The following KIAA0319L variants were observed in gnomAD, a reference collection of about 807,000 sequenced individuals.
KIAA0319L encodes KIAA0319 like.
In KIAA0319L, 55 loss-of-function variants were observed where a neutral mutation model predicts 120.1. The observed-to-expected ratio is 0.46, with a 90% CI of 0.37 to 0.57. The LOEUF (loss-of-function observed/expected upper bound fraction) is 0.57, where lower values mean the gene tolerates loss of function less well. Among genes scored for constraint, KIAA0319L ranks in the 20% least tolerant of loss-of-function variants. The pLI, the probability that KIAA0319L is intolerant of heterozygous loss-of-function variation, is 0.00. For synonymous variants in KIAA0319L, 398 were observed against 471.9 expected, an observed-to-expected ratio of 0.84 and a Z score of 2.03; for missense variants, 1,049 against 1,255.3, an observed-to-expected ratio of 0.84 and a Z score of 2.48.
chr1:35,474,827 A>G lies in KIAA0319L; in HGVS notation c.993T>C (p.Tyr331=), dbSNP rs1643844217. Reference sequence around the variant, plus strand: ...TACCTTTAGGTGGTTCTTGGAGAACATATGCATTTAATTGAACTTCATTCT... The same window carrying G: ...TACCTTTAGGTGGTTCTTGGAGAACGTATGCATTTAATTGAACTTCATTCT... ...LPKNEVQLNA[Y]VLQEPPKGET... is the part of the protein sequence containing the mutation. The change falls in exon 5 of 21, where the codon TAT becomes TAC. Residue 331 remains tyrosine, a synonymous_variant. Transcript: ENST00000325722. The G allele has an allele frequency of 6.2e-7, 1 of 1,604,750 alleles. No homozygotes were observed. Among genetic ancestry groups the G allele is most frequent in the East Asian group, 2.2e-5 (1 of 44,790 alleles).
At chr1:35,512,489 G>C (rs1035754280) in intron 2 of KIAA0319L, among the ~76,000 whole-genome samples, 3 of 151,990 alleles carry the variant, frequency 2.0e-5, no homozygotes, top group Non-Finnish European at 2.9e-5. Flanking sequence ...AAGCCTAGTT[G>C]TTCAAAAGAT....
chr1:35,513,901 G>A (rs1056848551), intron 2 of KIAA0319L, among the ~76,000 whole-genome samples: 1 of 152,000 alleles, frequency 6.6e-6, no homozygotes, highest in Non-Finnish European at 1.5e-5. Flanking sequence ...CATTTACAGA[G>A]GCCACAAAAC....
At chr1:35,440,929 A>T in intron 20 of KIAA0319L, 118 bp downstream of exon 20, 2 of 854,106 alleles carry the variant, frequency 2.3e-6, no homozygotes, top group Non-Finnish European at 4.0e-6. Context: ...GCAAAAGGGA[A>T]CAAAATGCTT....
intron 13 of KIAA0319L, 90 bp from the exon 14 acceptor site, chr1:35,450,599 A>G (rs1267893502): frequency 2.3e-6 from 3 of 1,282,864 alleles, no homozygotes; most frequent in East Asian, 2.4e-5. Context: ...TAAAACATCA[A>G]GAGTACCTTA....
intron 2 of KIAA0319L, among the ~76,000 whole-genome samples, chr1:35,535,019 C>T (rs1007777768): frequency 2.7e-5 from 4 of 149,090 alleles, no homozygotes; most frequent in African/African-American, 9.9e-5. Flanking sequence ...ATCGCTTGAA[C>T]CCAGGAGATG....
At chr1:35,498,637 C>T (rs1355634448) in intron 3 of KIAA0319L, among the ~76,000 whole-genome samples, 1 of 152,104 alleles carries the variant, frequency 6.6e-6, no homozygotes, top group Admixed American at 6.5e-5. Flanking sequence ...CAATTAATGT[C>T]ATAATTAAAG....
At chr1:35,469,912 G>C (rs1473302319) in intron 6 of KIAA0319L, among the ~76,000 whole-genome samples, 2 of 151,918 alleles carry the variant, frequency 1.3e-5, no homozygotes, top group Non-Finnish European at 2.9e-5. Flanking sequence ...TTTGTCACCT[G>C]GGCTTTAGGG....
intron 2 of KIAA0319L, among the ~76,000 whole-genome samples, chr1:35,540,906 C>A (rs975500624): frequency 4.6e-5 from 7 of 152,064 alleles, no homozygotes; most frequent in Non-Finnish European, 8.8e-5. Context: ...TTCATGAGGG[C>A]AGAAACCGTA....
chr1:35,513,485 T>G (rs940842283), intron 2 of KIAA0319L, among the ~76,000 whole-genome samples: 2 of 151,556 alleles, frequency 1.3e-5, no homozygotes, highest in Non-Finnish European at 2.9e-5. Flanking sequence ...GGTGTGGTGG[T>G]GTGCACTTGT....
chr1:35,457,650 C>T (rs1366424316), intron 9 of KIAA0319L, among the ~76,000 whole-genome samples: 1 of 152,194 alleles, frequency 6.6e-6, no homozygotes, highest in Non-Finnish European at 1.5e-5. Flanking sequence ...TGGGATCTTT[C>T]CATTTTGCTG....
At chr1:35,520,303 T>A (rs548249402) in intron 2 of KIAA0319L, among the ~76,000 whole-genome samples, 1 of 152,232 alleles carries the variant, frequency 6.6e-6, no homozygotes, top group East Asian at 1.9e-4. Flanking sequence ...TTTCACCATA[T>A]TGGCCAGGCT....
intron 2 of KIAA0319L, among the ~76,000 whole-genome samples, chr1:35,530,529 T>C (rs1300197199): frequency 6.6e-6 from 1 of 152,232 alleles, no homozygotes; most frequent in Admixed American, 6.5e-5. Flanking sequence ...TTCCCATGCA[T>C]ATCACTAAGC....
chr1:35,460,005 C>T (rs1290024073), intron 9 of KIAA0319L, among the ~76,000 whole-genome samples: 1 of 152,128 alleles, frequency 6.6e-6, no homozygotes, highest in Non-Finnish European at 1.5e-5. Context: ...GGAAGATGGG[C>T]CTTTTCATTT....
Position 35,455,995 on chromosome 1 carries a change from G to T in KIAA0319L, c.1656+18C>A, listed in dbSNP as rs1366658958. 5 of 1,575,558 alleles carry T rather than the reference G, an allele frequency of 3.2e-6. No homozygotes were observed. Among genetic ancestry groups the T allele is most frequent in the Admixed American group, 3.5e-5 (2 of 56,716 alleles). On this transcript the variant is annotated intron_variant, in intron 10 of 20. Coordinates refer to ENST00000325722, the MANE Select transcript of KIAA0319L (RefSeq NM_024874.5). ...TACTTCTCTTGGGCAAGAAAAAATAGGAACCATTCCCTCCTACCTGCATCT... is the reference window on the plus strand; with the variant it reads ...TACTTCTCTTGGGCAAGAAAAAATATGAACCATTCCCTCCTACCTGCATCT...
At chr1:35,503,977 C>T (rs1645107973) in intron 3 of KIAA0319L, among the ~76,000 whole-genome samples, 1 of 151,314 alleles carries the variant, frequency 6.6e-6, no homozygotes, top group African/African-American at 2.4e-5. Context: ...CTTCCACCTC[C>T]TGGGTTCAAG....
intron 9 of KIAA0319L, among the ~76,000 whole-genome samples, chr1:35,457,196 G>A (rs1642534716): frequency 6.6e-6 from 1 of 152,118 alleles, no homozygotes; most frequent in African/African-American, 2.4e-5. Context: ...GCTATATAGT[G>A]AGCCAAGATG....
At chr1:35,521,431 T>C (rs1344170968) in intron 2 of KIAA0319L, among the ~76,000 whole-genome samples, 1 of 149,074 alleles carries the variant, frequency 6.7e-6, no homozygotes, top group Non-Finnish European at 1.5e-5. Context: ...TCAGGAGATC[T>C]AAACCATCCT....
chr1:35,443,131 A>G (rs1040041149), intron 17 of KIAA0319L, 103 bp from the exon 18 acceptor site: 31 of 1,367,380 alleles, frequency 2.3e-5, no homozygotes, highest in Non-Finnish European at 2.8e-5. Context: ...GATTAATGCT[A>G]TGTGGTGAAA....
intron 3 of KIAA0319L, among the ~76,000 whole-genome samples, chr1:35,490,285 T>C (rs1425456409): frequency 6.6e-6 from 1 of 152,152 alleles, no homozygotes; most frequent in Non-Finnish European, 1.5e-5. Context: ...TTTAGTAGGA[T>C]AGAAAAATTA....
Sources: allele counts gnomAD v4.1 joint callset (sites outside exome capture counted in the v4.1 genomes callset), GRCh38; gene constraint gnomAD v4.1.1; transcripts MANE v1.5; gene names NCBI Gene and HGNC (gene_info 2026-07-23, HGNC 2026-07-21).